Variants in XIRP2 observed in about 807,000 individuals in gnomAD.
XIRP2 encodes xin actin binding repeat containing 2.
A neutral mutation model predicts 277.0 loss-of-function variants in XIRP2; 236 were observed. The ratio of observed to expected loss-of-function variants is 0.85; its 90% CI spans 0.77 to 0.95. The LOEUF (loss-of-function observed/expected upper bound fraction) is 0.95, where lower values mean the gene tolerates loss of function less well. Ranked by LOEUF, XIRP2 falls within the 40% of genes least tolerant of loss-of-function variation. XIRP2 has a pLI of 0.00. For synonymous variants in XIRP2, 1,490 were observed against 1,416.5 expected, an observed-to-expected ratio of 1.05 and a Z score of -1.17; for missense variants, 4,640 against 4,157.5, an observed-to-expected ratio of 1.12 and a Z score of -3.19.
intron 2 of XIRP2, among the ~76,000 whole-genome samples, chr2:167,078,641 C>G (rs1288395160): frequency 6.6e-6 from 1 of 151,940 alleles, no homozygotes; most frequent in African/African-American, 2.4e-5. Flanking sequence ...TCAAGACCAT[C>G]CTGGCTAACA....
chr2:166,946,705 A>G (rs1469768370), intron 2 of XIRP2, among the ~76,000 whole-genome samples: 1 of 152,146 alleles, frequency 6.6e-6, no homozygotes, highest in African/African-American at 2.4e-5. Context: ...TGATTCTCAT[A>G]TAAACATTAA....
intron 2 of XIRP2, among the ~76,000 whole-genome samples, chr2:167,065,266 A>AT (rs769734939): frequency 7.9e-5 from 12 of 151,848 alleles, no homozygotes; most frequent in Admixed American, 5.9e-4. Flanking sequence ...GATATTAAAC[A>AT]TTTTTCCATG....
At chr2:166,931,966 G>T (rs564292467) in intron 2 of XIRP2, among the ~76,000 whole-genome samples, 5 of 152,080 alleles carry the variant, frequency 3.3e-5, no homozygotes, top group Non-Finnish European at 7.4e-5. Context: ...TAGTGGATGT[G>T]TAATATTCTT....
At chr2:167,031,973 C>T (rs1013341924) in intron 2 of XIRP2, among the ~76,000 whole-genome samples, 2 of 151,954 alleles carry the variant, frequency 1.3e-5, no homozygotes, top group African/African-American at 4.8e-5. Flanking sequence ...CATATGGAAA[C>T]AAAAAAGAGC....
chr2:167,132,032 C>T (rs1283862968), intron 2 of XIRP2, among the ~76,000 whole-genome samples: 1 of 151,976 alleles, frequency 6.6e-6, no homozygotes, highest in African/African-American at 2.4e-5. Flanking sequence ...TCTCTCTATC[C>T]TTCTCAAACT....
intron 3 of XIRP2, among the ~76,000 whole-genome samples, chr2:167,165,324 A>T (rs1238477002): frequency 6.6e-6 from 1 of 152,202 alleles, no homozygotes; most frequent in Non-Finnish European, 1.5e-5. Context: ...GTAGGTATTT[A>T]TGTAGACATT....
At chr2:166,974,525 T>C (rs945618666) in intron 2 of XIRP2, among the ~76,000 whole-genome samples, 1 of 151,986 alleles carries the variant, frequency 6.6e-6, no homozygotes, top group African/African-American at 2.4e-5. Context: ...ATATCTGATA[T>C]ATGGAATTAT....
chr2:167,140,831 A>T (rs537286540), intron 3 of XIRP2: 12 of 152,304 alleles, frequency 7.9e-5, no homozygotes, highest in Non-Finnish European at 1.2e-4. Context: ...TCTTACAGTC[A>T]GATCCACCTG....
chr2:167,248,593 G>T lies in XIRP2; in HGVS notation c.7201G>T (p.Ala2401Ser). 1 of 1,613,720 alleles carries T rather than the reference G, an allele frequency of 6.2e-7. No individual in the cohort carries two copies. The highest frequency in any genetic ancestry group is 8.5e-7 in the Non-Finnish European group (1 of 1,179,810). Residue 2401 changes from alanine (A) to serine (S), a missense_variant, in exon 9 of 11, where the codon GCC (alanine) becomes TCC (serine). Ala to Ser is a moderately conservative substitution (Grantham distance 99). Coordinates refer to ENST00000409195, the MANE Select transcript of XIRP2 (RefSeq NM_152381.6). ...CATGCAACAATATTCCCAAAAAGAA[G>T]CCTCGAACTCTCAGAATTCTCAGGC... The part of the protein sequence containing the change: ...DFMQQYSQKE[A>S]SNSQNSQAKI...
chr2:167,083,123 A>G (rs1689796158), intron 2 of XIRP2, among the ~76,000 whole-genome samples: 1 of 152,172 alleles, frequency 6.6e-6, no homozygotes, highest in Non-Finnish European at 1.5e-5. Flanking sequence ...ATTTTGTATA[A>G]GGTGTAAGGA....
chr2:167,241,941 T>C, intron 8 of XIRP2, 31 bp downstream of exon 8: 1 of 1,596,910 alleles, frequency 6.3e-7, no homozygotes, highest in Non-Finnish European at 8.5e-7. Flanking sequence ...AGAAACATAC[T>C]AAGTGTAAGA....
At chr2:167,055,257 GA>G (rs1689012702) in intron 2 of XIRP2, among the ~76,000 whole-genome samples, 2 of 152,144 alleles carry the variant, frequency 1.3e-5, no homozygotes, top group South Asian at 2.1e-4. Flanking sequence ...GAACTGAGGG[GA>G]AAAAAGTTAG....
intron 3 of XIRP2, among the ~76,000 whole-genome samples, chr2:167,155,290 C>G (rs1692153079): frequency 6.6e-6 from 1 of 151,778 alleles, no homozygotes; most frequent in African/African-American, 2.4e-5. Flanking sequence ...AGAGACACAA[C>G]CAAAAAGGAG....
intron 2 of XIRP2, among the ~76,000 whole-genome samples, chr2:166,968,044 GC>G (rs1301458794): frequency 1.3e-5 from 2 of 151,898 alleles, no homozygotes; most frequent in South Asian, 2.1e-4. Context: ...AATATATTTA[GC>G]TACAGTTGCA....
chr2:167,033,029 G>A (rs890120084), intron 2 of XIRP2, among the ~76,000 whole-genome samples: 3 of 152,072 alleles, frequency 2.0e-5, no homozygotes, highest in African/African-American at 7.2e-5. Flanking sequence ...CTGTAGCAAA[G>A]ACCTGGAACC....
chr2:166,938,517 A>T (rs1304981269), intron 2 of XIRP2, among the ~76,000 whole-genome samples: 2 of 152,292 alleles, frequency 1.3e-5, no homozygotes, highest in South Asian at 4.1e-4. Context: ...ACTTCCAACT[A>T]TGTGGTCAAT....
chr2:167,008,303 G>A (rs1362483025), intron 2 of XIRP2, among the ~76,000 whole-genome samples: 1 of 151,402 alleles, frequency 6.6e-6, no homozygotes, highest in Admixed American at 6.6e-5. Context: ...AGTATTATCA[G>A]TTTCTTCAAT....
chr2:167,019,593 C>T (rs1687927281), intron 2 of XIRP2, among the ~76,000 whole-genome samples: 1 of 151,982 alleles, frequency 6.6e-6, no homozygotes, highest in Admixed American at 6.6e-5. Flanking sequence ...ATTAGCTAGC[C>T]AGGGTTAAGA....
intron 2 of XIRP2, among the ~76,000 whole-genome samples, chr2:167,065,272 C>T (rs903246039): frequency 4.0e-5 from 6 of 151,800 alleles, no homozygotes; most frequent in Non-Finnish European, 8.8e-5. Context: ...AAACATTTTT[C>T]CATGGTTCAT....
Sources: allele counts gnomAD v4.1 joint callset (sites outside exome capture counted in the v4.1 genomes callset), GRCh38; gene constraint gnomAD v4.1.1; transcripts MANE v1.5; gene names NCBI Gene and HGNC (gene_info 2026-07-23, HGNC 2026-07-21).